Variants in CLIC5 observed in about 807,000 individuals in gnomAD.
CLIC5 encodes the protein chloride intracellular channel protein 5.
In CLIC5, 20 loss-of-function variants were observed where a neutral mutation model predicts 24.7. That is an observed-to-expected ratio of 0.81 (90% CI 0.57 to 1.18). The LOEUF (loss-of-function observed/expected upper bound fraction) is 1.18. CLIC5 is among the 50% of genes most tolerant of loss of function. CLIC5 has a pLI of 0.00. For missense variants in CLIC5, 341 were observed against 326.1 expected (o/e 1.05, Z -0.35); for synonymous variants, 159 against 135.6 (o/e 1.17, Z -1.20).
chr6:46,061,185 G>C (rs1762260817), intron 1 of CLIC5, among the ~76,000 whole-genome samples: 1 of 151,100 alleles, frequency 6.6e-6, no homozygotes. Flanking sequence ...TTTTGTTTTT[G>C]TTTGTTTGTT....
the CLIC5 span, among the ~76,000 whole-genome samples, chr6:46,085,537 C>T: frequency 6.5e-4 from 99 of 152,274 alleles, 1 homozygote; most frequent in East Asian, 0.016. Flanking sequence ...GCTAGAGGTC[C>T]ACTCCAGACC....
intron 1 of CLIC5, among the ~76,000 whole-genome samples, chr6:46,045,845 A>T (rs750171550): frequency 3.2e-4 from 48 of 152,334 alleles, no homozygotes; most frequent in Non-Finnish European, 5.9e-4. Flanking sequence ...TCCACATCTT[A>T]TTCTCTTCTA....
At chr6:46,035,570 C>T (rs1490632519) in intron 1 of CLIC5, among the ~76,000 whole-genome samples, 1 of 152,102 alleles carries the variant, frequency 6.6e-6, no homozygotes, top group African/African-American at 2.4e-5. Flanking sequence ...CAGAGACTCA[C>T]ATCAAAACTG....
At chr6:46,037,042 A>C (rs1254120964) in intron 1 of CLIC5, among the ~76,000 whole-genome samples, 1 of 152,206 alleles carries the variant, frequency 6.6e-6, no homozygotes, top group Non-Finnish European at 1.5e-5. Flanking sequence ...TTAACAACCC[A>C]TATTCAACCA....
the CLIC5 span, among the ~76,000 whole-genome samples, chr6:46,116,009 T>C: frequency 6.6e-6 from 1 of 152,232 alleles, no homozygotes; most frequent in Non-Finnish European, 1.5e-5. Context: ...TTTATCCTCC[T>C]CTATAAATTA....
chr6:46,026,640 A>G (rs1386017994), intron 1 of CLIC5, among the ~76,000 whole-genome samples: 1 of 152,118 alleles, frequency 6.6e-6, no homozygotes, highest in Non-Finnish European at 1.5e-5. Flanking sequence ...CAAATATCTC[A>G]ATTTCATTAA....
chr6:46,023,047 A>T (rs1767229097), intron 1 of CLIC5, among the ~76,000 whole-genome samples: 1 of 152,216 alleles, frequency 6.6e-6, no homozygotes, highest in Non-Finnish European at 1.5e-5. Context: ...TATAGTGCAC[A>T]TGCTCAATAA....
the CLIC5 span, among the ~76,000 whole-genome samples, chr6:46,111,275 G>A: frequency 6.6e-6 from 1 of 151,000 alleles, no homozygotes; most frequent in Admixed American, 6.6e-5. Context: ...GATGATGTAT[G>A]GACTACTCAG....
At chr6:46,112,425 C>T in the CLIC5 span, among the ~76,000 whole-genome samples, 1 of 152,126 alleles carries the variant, frequency 6.6e-6, no homozygotes, top group South Asian at 2.1e-4. Flanking sequence ...CCTGTTTTAC[C>T]ACCATAATCT....
At chr6:46,074,759 G>A (rs1762721942) in intron 1 of CLIC5, among the ~76,000 whole-genome samples, 1 of 152,128 alleles carries the variant, frequency 6.6e-6, no homozygotes, top group South Asian at 2.1e-4. Context: ...GATAATAGGT[G>A]GTGCCATATA....
At chr6:45,928,650 A>C (rs1208568163) in intron 4 of CLIC5, among the ~76,000 whole-genome samples, 1 of 152,134 alleles carries the variant, frequency 6.6e-6, no homozygotes, top group Admixed American at 6.5e-5. Context: ...TCCCATCATG[A>C]ATATAATTTT....
At chr6:46,118,527 C>A in the CLIC5 span, among the ~76,000 whole-genome samples, 1 of 152,152 alleles carries the variant, frequency 6.6e-6, no homozygotes, top group African/African-American at 2.4e-5. Context: ...ACACTGTAAA[C>A]TTTTTGAGGG....
intron 1 of CLIC5, among the ~76,000 whole-genome samples, chr6:46,060,746 C>T (rs1449541554): frequency 6.6e-6 from 1 of 152,136 alleles, no homozygotes; most frequent in Non-Finnish European, 1.5e-5. Context: ...GAGCTTAAAG[C>T]CTGCTTCCTT....
Position 46,080,126 on chromosome 6 carries a change from G to T in CLIC5, c.117C>A (p.Tyr39Ter). 2.6e-6 allele frequency: 4 copies of T among 1,551,678 alleles called. No individual in the cohort carries two copies. The highest frequency in any genetic ancestry group is 3.5e-6 in the Non-Finnish European group (4 of 1,146,964). Residue 39 changes from tyrosine to a stop codon, truncating the protein, a stop_gained, in exon 1 of 6, where the codon TAC becomes TAA. Transcript: ENST00000185206. LOFTEE classifies it high-confidence loss of function. ...CATATAAATCATTTTCTGGCCTTAA[G>T]TACTCATGGACATCATCATAATGGG...
intron 1 of CLIC5, among the ~76,000 whole-genome samples, chr6:45,978,897 C>T (rs1350575890): frequency 6.6e-6 from 1 of 151,616 alleles, no homozygotes; most frequent in Non-Finnish European, 1.5e-5. Context: ...TTGCAGTGAG[C>T]CAAGATTGCA....
chr6:46,023,383 G>A (rs181156133), intron 1 of CLIC5, among the ~76,000 whole-genome samples: 1 of 152,254 alleles, frequency 6.6e-6, no homozygotes, highest in Admixed American at 6.5e-5. Flanking sequence ...CTTATCCAAG[G>A]TCATGTGGAT....
chr6:45,906,708 A>T (rs893324773), intron 5 of CLIC5, among the ~76,000 whole-genome samples: 3 of 152,050 alleles, frequency 2.0e-5, no homozygotes, highest in African/African-American at 7.2e-5. Flanking sequence ...GATTACAGGC[A>T]TGCGCCACCA....
chr6:46,108,401 T>TGAGA, the CLIC5 span, among the ~76,000 whole-genome samples: 368 of 141,748 alleles, frequency 2.6e-3, 1 homozygote, highest in African/African-American at 9.2e-3. Context: ...TGTGTGTGTG[T>TGAGA]GAGAGAGAGA....
At chr6:45,951,766 A>G (rs1764476098) in intron 2 of CLIC5, among the ~76,000 whole-genome samples, 1 of 152,098 alleles carries the variant, frequency 6.6e-6, no homozygotes, top group Non-Finnish European at 1.5e-5. Flanking sequence ...AAACGCAGAA[A>G]CTGTAAAAAA....
Sources: gnomAD v4.1 joint callset for allele counts (sites outside exome capture counted in the v4.1 genomes callset) on GRCh38, gnomAD v4.1.1 for gene constraint, MANE v1.5 for transcripts, NCBI Gene and HGNC (gene_info 2026-07-23, HGNC 2026-07-21) for gene names.